The following IGSF21 variants were observed in gnomAD, a reference collection of about 807,000 sequenced individuals.
IGSF21 encodes the protein immunoglobulin superfamily member 21.
A neutral mutation model predicts 46.8 loss-of-function variants in IGSF21; 28 were observed. That is an observed-to-expected ratio of 0.60 (90% CI 0.44 to 0.82). The LOEUF is 0.82. Among genes scored for constraint, IGSF21 ranks in the 40% least tolerant of loss-of-function variants. The pLI is 0.00. For missense variants in IGSF21, 624 were observed against 665.5 expected (o/e 0.94, Z 0.69); for synonymous variants, 284 against 273.6 (o/e 1.04, Z -0.38).
chr1:18,346,594 G>A (rs535305936), intron 4 of IGSF21, among the ~76,000 whole-genome samples: 6 of 152,126 alleles, frequency 3.9e-5, no homozygotes, highest in East Asian at 1.9e-4. Context: ...GAGACACGGC[G>A]GACCTGGCAC....
rs1557608067 is a variant in IGSF21, at chr1:18,252,044, C to CTTT, written c.183+24034_183+24035insTTT. The stretch of plus-strand genomic sequence containing the variant: ...AGGCTGGAACACTTTCTGACCAAGG[C>CTTT]GTTTTTTTTTTTTTTTTTTTTTTTG... On this transcript the variant is annotated intron_variant, in intron 2 of 9. Coordinates refer to ENST00000251296, the MANE Select transcript of IGSF21 (RefSeq NM_032880.5). Among the ~76,000 whole-genome samples the CTTT allele has an allele frequency of 8.4e-4, 83 of 99,000 alleles. 3 individuals are homozygous for CTTT. The highest frequency in any genetic ancestry group is 1.3e-3 in the Non-Finnish European group (63 of 48,728). 64.9% of individuals were successfully genotyped at this position (99,000 alleles called of 152,430 possible).
chr1:18,351,423 G>T (rs930241310), intron 4 of IGSF21, among the ~76,000 whole-genome samples: 1 of 152,200 alleles, frequency 6.6e-6, no homozygotes, highest in Non-Finnish European at 1.5e-5. Flanking sequence ...CAAGGCCAGG[G>T]CTAAGCTCTG....
intron 2 of IGSF21, among the ~76,000 whole-genome samples, chr1:18,232,216 T>TTTTTTTTTTTTTTG (rs1557598925): frequency 6.6e-6 from 1 of 150,782 alleles, no homozygotes. Context: ...CAGCTTTTTT[T>TTTTTTTTTTTTTTG]TGGCTAATAG....
At chr1:18,221,360 T>G (rs1173829333) in intron 1 of IGSF21, among the ~76,000 whole-genome samples, 1 of 152,152 alleles carries the variant, frequency 6.6e-6, no homozygotes, top group Non-Finnish European at 1.5e-5. Context: ...GTGGTGACTC[T>G]AACATAATTT....
intron 1 of IGSF21, among the ~76,000 whole-genome samples, chr1:18,212,359 T>C (rs1396217974): frequency 1.3e-5 from 2 of 152,208 alleles, no homozygotes; most frequent in Non-Finnish European, 2.9e-5. Context: ...CTCAAAGTTA[T>C]AATCTCTCAG....
At chr1:18,118,108 C>T (rs369495370) in intron 1 of IGSF21, among the ~76,000 whole-genome samples, 7 of 152,148 alleles carry the variant, frequency 4.6e-5, no homozygotes, top group East Asian at 3.9e-4. Context: ...GGAGTCGCCA[C>T]GGAGAGAAGC....
chr1:18,305,846 C>T (rs965670893), intron 3 of IGSF21, among the ~76,000 whole-genome samples: 4 of 152,210 alleles, frequency 2.6e-5, no homozygotes, highest in African/African-American at 7.2e-5. Flanking sequence ...AAGCCGTCCT[C>T]ATTTTACAGA....
chr1:18,365,796 G>T lies in IGSF21; in HGVS notation c.1015+99G>T. The T allele has an allele frequency of 9.6e-7, 1 of 1,044,006 alleles. No homozygotes were observed. Among genetic ancestry groups the T allele is most frequent in the Non-Finnish European group, 1.4e-6 (1 of 723,422 alleles). The allele number at this position is 1,044,006 out of a possible 1,614,324, so 64.7% of individuals were successfully genotyped here. On this transcript the variant is annotated intron_variant, in intron 6 of 9. Transcript: ENST00000251296. The surrounding 1 kb of genome is among the most constrained non-coding windows in gnomAD (Gnocchi z 4.8). The stretch of plus-strand genomic sequence containing the variant: ...CTGGGCTGAGGACAGCCATGGAAAG[G>T]GGGAGGAGATGGAGCAAACTGGAGT...
chr1:18,372,388 T>C (rs2086233006), intron 6 of IGSF21, among the ~76,000 whole-genome samples: 1 of 152,156 alleles, frequency 6.6e-6, no homozygotes, highest in Non-Finnish European at 1.5e-5. Context: ...CAATAAAGAA[T>C]TAGATGGATA....
chr1:18,321,540 A>G (rs1429853256), intron 3 of IGSF21, among the ~76,000 whole-genome samples: 1 of 152,082 alleles, frequency 6.6e-6, no homozygotes, highest in African/African-American at 2.4e-5. Context: ...AGCTCTGGAG[A>G]CCGGGAAGCC....
intron 1 of IGSF21, among the ~76,000 whole-genome samples, chr1:18,129,062 G>A (rs1230506214): frequency 2.0e-5 from 3 of 152,240 alleles, no homozygotes; most frequent in South Asian, 2.1e-4. Flanking sequence ...TTAAGGTGGC[G>A]GTCCGTGCAT....
intron 3 of IGSF21, among the ~76,000 whole-genome samples, chr1:18,312,122 CTT>C (rs1196767710): frequency 6.6e-6 from 1 of 152,200 alleles, no homozygotes. Flanking sequence ...TTGCCCATCT[CTT>C]GTCTCCCTCT....
chr1:18,284,764 C>T (rs959536699), intron 2 of IGSF21, among the ~76,000 whole-genome samples: 2 of 152,226 alleles, frequency 1.3e-5, no homozygotes, highest in East Asian at 1.9e-4. Context: ...AGGCAGGTAT[C>T]GCCTTAGGCT....
intron 1 of IGSF21, among the ~76,000 whole-genome samples, chr1:18,135,927 T>A (rs887274660): frequency 6.6e-6 from 1 of 152,172 alleles, no homozygotes; most frequent in Non-Finnish European, 1.5e-5. Context: ...GCACCTGTTG[T>A]TTCCTGACTT....
chr1:18,326,047 C>CT (rs927628251), intron 3 of IGSF21, among the ~76,000 whole-genome samples: 6 of 152,212 alleles, frequency 3.9e-5, no homozygotes, highest in African/African-American at 1.4e-4. Flanking sequence ...CATGCCCCCC[C>CT]CTTTTTTTTC....
intron 1 of IGSF21, among the ~76,000 whole-genome samples, chr1:18,208,396 T>TATATATATA (rs397732378): frequency 1.2e-4 from 12 of 102,290 alleles, no homozygotes; most frequent in African/African-American, 2.0e-4. Flanking sequence ...TATATATATA[T>TATATATATA]TTTTTGAGAC....
intron 1 of IGSF21, among the ~76,000 whole-genome samples, chr1:18,187,506 C>T (rs1321107236): frequency 1.3e-5 from 2 of 152,102 alleles, no homozygotes; most frequent in East Asian, 3.9e-4. Flanking sequence ...AAGGAGTTTC[C>T]CCTTATAAAA....
Position 18,126,668 on chromosome 1 carries a change from A to G in IGSF21, c.70+18470A>G, listed in dbSNP as rs542277406. Among the ~76,000 whole-genome samples, 4 of 152,224 alleles carry G rather than the reference A, an allele frequency of 2.6e-5. No individual in the cohort carries two copies. In the South Asian group the frequency reaches 8.3e-4, roughly 32 times the overall value. ...TCTGAACCTCTCCTCTGCCAGCCCA[A>G]CTGGCCTGCCCCACCCTCATGGGAG... On this transcript the variant is annotated intron_variant, in intron 1 of 9. Coordinates refer to ENST00000251296, the MANE Select transcript of IGSF21 (RefSeq NM_032880.5).
At chr1:18,368,830 G>C (rs1263285480) in intron 6 of IGSF21, among the ~76,000 whole-genome samples, 3 of 152,220 alleles carry the variant, frequency 2.0e-5, no homozygotes, top group African/African-American at 7.2e-5. Context: ...GGAGAAAGAT[G>C]AAAGGCCAGA....
Sources: allele counts gnomAD v4.1 joint callset (sites outside exome capture counted in the v4.1 genomes callset), GRCh38; gene constraint gnomAD v4.1.1; non-coding constraint Gnocchi (gnomAD v3.1); transcripts MANE v1.5; gene names NCBI Gene and HGNC (gene_info 2026-07-23, HGNC 2026-07-21).